MECOM: variants seen among roughly 807,000 people sequenced by gnomAD.
MECOM encodes the protein MDS1 and EVI1 complex locus, also known as histone-lysine N-methyltransferase MECOM.
A neutral mutation model predicts 116.3 loss-of-function variants in MECOM; 13 were observed. The ratio of observed to expected loss-of-function variants is 0.11; its 90% CI spans 0.07 to 0.18. The LOEUF is 0.18. Among genes scored for constraint, MECOM ranks in the 10% least tolerant of loss-of-function variants. The probability of loss-of-function intolerance (pLI) is 1.00; values close to 1 mark genes in which losing one functional copy is unlikely to be tolerated. For missense variants in MECOM, 1,299 were observed against 1,509.0 expected (o/e 0.86, Z 2.31); for synonymous variants, 528 against 535.2 (o/e 0.99, Z 0.19).
At chr3:169,136,769 C>T (rs1336347228) in intron 3 of MECOM, among the ~76,000 whole-genome samples, 2 of 151,998 alleles carry the variant, frequency 1.3e-5, no homozygotes, top group African/African-American at 4.8e-5. Context: ...AAAAGTTCTG[C>T]ACACAAGGGG....
At chr3:169,320,454 GA>G (rs1183122124) in intron 2 of MECOM, among the ~76,000 whole-genome samples, 1 of 152,200 alleles carries the variant, frequency 6.6e-6, no homozygotes, top group Admixed American at 6.5e-5. Context: ...GATCTGAGTA[GA>G]GGTATAGTTG....
Position 169,371,794 on chromosome 3 carries a change from C to A in MECOM, c.375+9393G>T, listed in dbSNP as rs117048263. Among the ~76,000 whole-genome samples the A allele has an allele frequency of 9.8e-3, 1,484 of 152,078 alleles. 8 individuals are homozygous for A. The highest frequency in any genetic ancestry group is 0.04 in the East Asian group (205 of 5,148). ...CACATTATTTGTCAGCCTCCTGATG[C>A]TGACCACCGTTGTTAGGTATCTTAG... On this transcript the variant is annotated intron_variant, in intron 2 of 16. Coordinates refer to ENST00000651503, the MANE Select transcript of MECOM (RefSeq NM_004991.4).
intron 2 of MECOM, among the ~76,000 whole-genome samples, chr3:169,306,402 C>T (rs1043766487): frequency 6.6e-6 from 1 of 152,242 alleles, no homozygotes; most frequent in African/African-American, 2.4e-5. Context: ...GAATCCACAG[C>T]TGGGCTCAGT....
chr3:169,502,085 G>GT (rs1372586348), intron 1 of MECOM, among the ~76,000 whole-genome samples: 1 of 152,190 alleles, frequency 6.6e-6, no homozygotes, highest in East Asian at 1.9e-4. Context: ...CCTCATTGTA[G>GT]TTATTGTTTT....
chr3:169,197,605 A>C (rs1288558065), intron 2 of MECOM, among the ~76,000 whole-genome samples: 2 of 152,014 alleles, frequency 1.3e-5, no homozygotes, highest in African/African-American at 4.8e-5. Context: ...AGTCACAAGA[A>C]ACTTAAATTT....
intron 3 of MECOM, among the ~76,000 whole-genome samples, chr3:169,142,776 A>AAGTTT (rs1319038353): frequency 2.6e-5 from 4 of 151,968 alleles, no homozygotes; most frequent in Non-Finnish European, 4.4e-5. Flanking sequence ...AGCTTTATTT[A>AAGTTT]AGTTTTCAAT....
At chr3:169,102,713 G>A (rs1313630910) in intron 10 of MECOM, among the ~76,000 whole-genome samples, 1 of 152,094 alleles carries the variant, frequency 6.6e-6, no homozygotes, top group Non-Finnish European at 1.5e-5. Context: ...TACAGCTTAA[G>A]CCAAATATGG....
At chr3:169,131,188 C>T (rs960542437) in intron 4 of MECOM, among the ~76,000 whole-genome samples, 6 of 152,300 alleles carry the variant, frequency 3.9e-5, no homozygotes, top group Non-Finnish European at 7.4e-5. Flanking sequence ...TGAGGTTCTG[C>T]GCAAATGCTC....
chr3:169,134,125 T>A (rs760894346), intron 3 of MECOM, among the ~76,000 whole-genome samples: 1 of 152,226 alleles, frequency 6.6e-6, no homozygotes, highest in African/African-American at 2.4e-5. Context: ...GAGAGTATTA[T>A]GATATCATTA....
intron 2 of MECOM, among the ~76,000 whole-genome samples, chr3:169,273,265 TCCACCA>T (rs1192635435): frequency 2.6e-5 from 4 of 152,304 alleles, no homozygotes; most frequent in African/African-American, 9.6e-5. Flanking sequence ...ATTTTGTATA[TCCACCA>T]CCACCTGCAT....
At chr3:169,196,376 C>T (rs185442304) in intron 2 of MECOM, among the ~76,000 whole-genome samples, 1 of 152,092 alleles carries the variant, frequency 6.6e-6, no homozygotes, top group Non-Finnish European at 1.5e-5. Flanking sequence ...TTGCTAGAGG[C>T]ACAAAATGGT....
At chr3:169,293,121 C>G (rs1714920331) in intron 2 of MECOM, among the ~76,000 whole-genome samples, 1 of 152,176 alleles carries the variant, frequency 6.6e-6, no homozygotes, top group African/African-American at 2.4e-5. Context: ...CAGGAGGAGT[C>G]AGCTAGAACA....
chr3:169,274,806 A>G (rs1385470094), intron 2 of MECOM, among the ~76,000 whole-genome samples: 1 of 152,234 alleles, frequency 6.6e-6, no homozygotes, highest in East Asian at 1.9e-4. Context: ...TGAACAGTGC[A>G]GATTACAGAA....
chr3:169,270,801 T>C (rs1227033387), intron 2 of MECOM, among the ~76,000 whole-genome samples: 1 of 152,182 alleles, frequency 6.6e-6, no homozygotes, highest in African/African-American at 2.4e-5. Flanking sequence ...AGTACAATAA[T>C]AATCATACAG....
chr3:169,500,020 G>A (rs1205720586), intron 1 of MECOM, among the ~76,000 whole-genome samples: 1 of 151,990 alleles, frequency 6.6e-6, no homozygotes, highest in African/African-American at 2.4e-5. Context: ...TATGGCAACA[G>A]TGTGAAATTT....
chr3:169,440,564 T>TGGGGGGGGGGGGGGGGGGGGGGGGG (rs1743461598), intron 1 of MECOM, among the ~76,000 whole-genome samples: 1 of 28,172 alleles, frequency 3.5e-5, no homozygotes, highest in Non-Finnish European at 6.9e-5. Flanking sequence ...GAGGAGGGAG[T>TGGGGGGGGGGGGGGGGGGGGGGGGG]GGGGTTGGGG....
intron 1 of MECOM, among the ~76,000 whole-genome samples, chr3:169,402,451 A>T (rs1290189251): frequency 1.3e-5 from 2 of 152,180 alleles, no homozygotes; most frequent in Non-Finnish European, 2.9e-5. Flanking sequence ...CAGCATGGGG[A>T]TGGTAGGAAA....
chr3:169,341,355 C>T (rs1240983790), intron 2 of MECOM, among the ~76,000 whole-genome samples: 2 of 148,342 alleles, frequency 1.3e-5, no homozygotes, highest in Non-Finnish European at 1.5e-5. Flanking sequence ...AACAATTGAA[C>T]TCATGGACTT....
intron 1 of MECOM, among the ~76,000 whole-genome samples, chr3:169,475,675 C>A (rs1750249806): frequency 6.6e-6 from 1 of 151,854 alleles, no homozygotes. Context: ...TTCACCAAGC[C>A]AAAGCCAGTC....
Sources: gnomAD v4.1 joint callset for allele counts (sites outside exome capture counted in the v4.1 genomes callset) on GRCh38, gnomAD v4.1.1 for gene constraint, MANE v1.5 for transcripts, NCBI Gene and HGNC (gene_info 2026-07-23, HGNC 2026-07-21) for gene names.